DLG2: variants seen among roughly 807,000 people sequenced by gnomAD.
DLG2 encodes the protein disks large homolog 2.
DLG2 carries 45 observed loss-of-function variants against 132.5 expected under a neutral mutation model. The ratio of observed to expected loss-of-function variants is 0.34; its 90% CI spans 0.27 to 0.44. DLG2 has a LOEUF of 0.44. Ranked by LOEUF, DLG2 falls within the 20% of genes least tolerant of loss-of-function variation. The pLI is 1.00. For synonymous variants in DLG2, 424 were observed against 419.6 expected, an observed-to-expected ratio of 1.01 and a Z score of -0.13; for missense variants, 1,045 against 1,196.9, an observed-to-expected ratio of 0.87 and a Z score of 1.87.
intron 3 of DLG2, among the ~76,000 whole-genome samples, chr11:85,540,873 G>A (rs1198748696): frequency 2.0e-5 from 3 of 152,232 alleles, no homozygotes; most frequent in Non-Finnish European, 4.4e-5. Flanking sequence ...CCACATCCCT[G>A]TTGCACGCCC....
intron 4 of DLG2, among the ~76,000 whole-genome samples, chr11:85,204,980 C>T (rs1188969281): frequency 2.6e-5 from 4 of 151,738 alleles, no homozygotes; most frequent in East Asian, 3.9e-4. Flanking sequence ...GATATCCACA[C>T]GCAGAAAAAT....
At chr11:84,720,500 GC>G in intron 6 of DLG2, 3 of 984,964 alleles carry the variant, frequency 3.0e-6, no homozygotes, top group Non-Finnish European at 3.6e-6. Context: ...TTCGATCACT[GC>G]CCCCTGCACC....
intron 17 of DLG2, among the ~76,000 whole-genome samples, chr11:83,803,396 C>T (rs2045051114): frequency 6.6e-6 from 1 of 152,056 alleles, no homozygotes; most frequent in South Asian, 2.1e-4. Context: ...AAATGTTTTG[C>T]AAACCGTGGC....
At chr11:84,542,203 T>C (rs1335615845) in intron 6 of DLG2, among the ~76,000 whole-genome samples, 1 of 152,064 alleles carries the variant, frequency 6.6e-6, no homozygotes, top group Non-Finnish European at 1.5e-5. Context: ...CTAGAACATG[T>C]TTGTGTGCAC....
chr11:85,531,182 G>A, intron 3 of DLG2, among the ~76,000 whole-genome samples: 1 of 152,200 alleles, frequency 6.6e-6, no homozygotes. Flanking sequence ...TCATTATAGT[G>A]ATATCAAACT....
At chr11:85,373,879 C>T (rs1439238691) in intron 3 of DLG2, among the ~76,000 whole-genome samples, 3 of 151,842 alleles carry the variant, frequency 2.0e-5, no homozygotes, top group Non-Finnish European at 4.4e-5. Flanking sequence ...CCCTTTGCCT[C>T]AATTTAGGAC....
chr11:84,166,500 C>A (rs1479749611), intron 8 of DLG2, among the ~76,000 whole-genome samples: 789 of 80,888 alleles, frequency 9.8e-3, no homozygotes, highest in East Asian at 0.016. Flanking sequence ...GACTCTGCTT[C>A]AAAAAAAAAA....
At chr11:84,264,628 T>C (rs1479443245) in intron 7 of DLG2, among the ~76,000 whole-genome samples, 1 of 152,182 alleles carries the variant, frequency 6.6e-6, no homozygotes, top group Non-Finnish European at 1.5e-5. Flanking sequence ...GACTCTCTCT[T>C]CTGTGCTCTC....
chr11:84,859,847 A>T (rs1297723036), intron 6 of DLG2, among the ~76,000 whole-genome samples: 1 of 152,050 alleles, frequency 6.6e-6, no homozygotes, highest in Non-Finnish European at 1.5e-5. Context: ...AAAAAAATCA[A>T]CTGTTTCACT....
At chr11:84,903,688 A>T (rs941438605) in intron 6 of DLG2, among the ~76,000 whole-genome samples, 1 of 152,150 alleles carries the variant, frequency 6.6e-6, no homozygotes, top group Non-Finnish European at 1.5e-5. Context: ...CAACTACAAA[A>T]TTAGGATAGT....
At chr11:85,510,618 A>G (rs1598115658) in intron 3 of DLG2, among the ~76,000 whole-genome samples, 1 of 152,222 alleles carries the variant, frequency 6.6e-6, no homozygotes, top group Non-Finnish European at 1.5e-5. Flanking sequence ...AAACACATGA[A>G]AAATGCTCAT....
intron 3 of DLG2, among the ~76,000 whole-genome samples, chr11:85,509,500 T>C (rs949544555): frequency 1.3e-5 from 2 of 151,996 alleles, no homozygotes; most frequent in African/African-American, 2.4e-5. Context: ...CTCTGGTTTG[T>C]CAGAGGAAAG....
At chr11:85,427,604 C>T (rs1190995837) in intron 3 of DLG2, among the ~76,000 whole-genome samples, 1 of 152,146 alleles carries the variant, frequency 6.6e-6, no homozygotes, top group African/African-American at 2.4e-5. Flanking sequence ...CCAGCCCTGC[C>T]CTAAAAGAGC....
intron 3 of DLG2, among the ~76,000 whole-genome samples, chr11:85,520,083 A>T (rs1398285586): frequency 6.6e-6 from 1 of 151,456 alleles, no homozygotes; most frequent in Non-Finnish European, 1.5e-5. Flanking sequence ...GCCTCTTTAT[A>T]CTGCCCAGCC....
chr11:84,653,337 C>G (rs1407792551), intron 6 of DLG2, among the ~76,000 whole-genome samples: 7 of 152,166 alleles, frequency 4.6e-5, no homozygotes, highest in Admixed American at 1.3e-4. Flanking sequence ...TCAAAAAGAT[C>G]TAACTTACAT....
At chr11:84,076,420 G>A (rs996593951) in intron 10 of DLG2, among the ~76,000 whole-genome samples, 1 of 152,098 alleles carries the variant, frequency 6.6e-6, no homozygotes, top group African/African-American at 2.4e-5. Flanking sequence ...AATATCTTCT[G>A]TTTCATTGTT....
chr11:85,514,240 G>A (rs114303444), intron 3 of DLG2, among the ~76,000 whole-genome samples: 115 of 152,036 alleles, frequency 7.6e-4, no homozygotes, highest in African/African-American at 2.6e-3. Context: ...TAGTATCCCT[G>A]TTAACAAATG....
rs141425740 is a variant in DLG2, at chr11:83,649,643, G to T, written c.1826-16318C>A. On this transcript the variant is annotated intron_variant, in intron 18 of 27. Transcript: ENST00000376104. ...TACTTCCCCTGCTCTGTTTTACATC[G>T]AAAGTGCTGACTTCATGCAAATTAC... 2.4e-3 allele frequency among the ~76,000 whole-genome samples: 359 copies of T among 151,984 alleles called. 1 individual carries two copies. Among genetic ancestry groups the T allele is most frequent in the African/African-American group, 8.1e-3 (337 of 41,436 alleles).
chr11:84,838,181 T>G (rs1358918110), intron 6 of DLG2, among the ~76,000 whole-genome samples: 1 of 151,950 alleles, frequency 6.6e-6, no homozygotes, highest in Non-Finnish European at 1.5e-5. Context: ...CATATTAGAA[T>G]ATTTATATAC....
Sources: gnomAD v4.1 joint callset for allele counts (sites outside exome capture counted in the v4.1 genomes callset) on GRCh38, gnomAD v4.1.1 for gene constraint, MANE v1.5 for transcripts, NCBI Gene and HGNC (gene_info 2026-07-23, HGNC 2026-07-21) for gene names.